Variants in GNAS observed in about 807,000 individuals in gnomAD.
GNAS encodes the protein GNAS complex locus, also known as protein ALEX.
A neutral mutation model predicts 54.5 loss-of-function variants in GNAS; 8 were observed. The observed-to-expected ratio is 0.15, with a 90% CI of 0.09 to 0.26. The LOEUF is 0.26. Ranked by LOEUF, GNAS falls within the 10% of genes least tolerant of loss-of-function variation. The pLI is 1.00. For missense variants in GNAS, 170 were observed against 529.8 expected (o/e 0.32, Z 6.67); for synonymous variants, 204 against 191.4 (o/e 1.07, Z -0.54).
rs995020721 is a variant in GNAS, at chr20:58,841,732, C to T, written c.43+846C>T. ...GCCCCTACGGGCTACCAGGGTTGAA[C>T]GCACAGGCATGGTCACGTCGGGGTA... On this transcript the variant is annotated intron_variant, in intron 1 of 12. Transcript: ENST00000306090. This position sits in a 1 kb window ranked among gnomAD's most constrained non-coding sequence, Gnocchi z 5.0. The T allele has an allele frequency of 1.3e-5, 16 of 1,224,678 alleles. No homozygotes were observed. In the Middle Eastern group the frequency reaches 9.4e-4, roughly 72 times the overall value. The allele number at this position is 1,224,678 out of a possible 1,614,324, so 75.9% of individuals were successfully genotyped here. A position where few individuals can be genotyped will look rare whatever the true frequency, so the allele number is the denominator to read the frequency against.
chr20:58,910,029 G>A lies in GNAS; in HGVS notation c.918G>A (p.Ser306=), dbSNP rs372304607. Reference sequence around the variant, plus strand: ...CTGAGAAAGTCCTTGCTGGGAAATCGAAGATTGAGGACTACTTTCCAGAAT... The same window carrying A: ...CTGAGAAAGTCCTTGCTGGGAAATCAAAGATTGAGGACTACTTTCCAGAAT... ...LLAEKVLAGK[S]KIEDYFPEFA... Residue 306 remains serine (S), a synonymous_variant, in exon 11 of 13, where the codon TCG becomes TCA. Coordinates refer to ENST00000371085, the MANE Select transcript of GNAS (RefSeq NM_000516.7). This position sits in a 1 kb window ranked among gnomAD's most constrained non-coding sequence, Gnocchi z 5.8. 26 of 1,613,508 alleles carry A rather than the reference G, an allele frequency of 1.6e-5. No individual in the cohort carries two copies. The highest frequency in any genetic ancestry group is 2.1e-5 in the Non-Finnish European group (25 of 1,179,444).
chr20:58,854,638 C>T (rs1244781053), intron 1 of GNAS: 1 of 1,532,808 alleles, frequency 6.5e-7, no homozygotes, highest in South Asian at 1.2e-5. Flanking sequence ...TCCGGGGCGG[C>T]CCCTGACGCC....
rs373530017 is a variant in GNAS, at chr20:58,857,343, C to A, written c.43+16457C>A. Among the ~76,000 whole-genome samples the A allele has an allele frequency of 4.6e-5, 7 of 152,194 alleles. No homozygotes were observed. The highest frequency in any genetic ancestry group is 1.7e-4 in the African/African-American group (7 of 41,442). ...GGTCGTTGTTTTAAATTTCAAATGTCTCAACTACACTAAAGCTACCAAACA... is the reference window on the plus strand; with the variant it reads ...GGTCGTTGTTTTAAATTTCAAATGTATCAACTACACTAAAGCTACCAAACA... On this transcript the variant is annotated intron_variant, in intron 1 of 12. Coordinates refer to the GNAS transcript ENST00000306090. This position sits in a 1 kb window ranked among gnomAD's most constrained non-coding sequence, Gnocchi z 4.1.
chr20:58,893,166 C>G (rs1247282041), intron 1 of GNAS, among the ~76,000 whole-genome samples: 1 of 136,832 alleles, frequency 7.3e-6, no homozygotes, highest in African/African-American at 2.8e-5. Flanking sequence ...GATAAAAAGA[C>G]ATTAATTAGT....
chr20:58,889,497 C>T (rs1311848684), upstream of GNAS: 1 of 258,702 alleles, frequency 3.9e-6, no homozygotes, highest in African/African-American at 2.3e-5. Flanking sequence ...AATTCTCTCT[C>T]TTTTCTCTTC....
chr20:58,875,041 C>A (rs922170616), intron 1 of GNAS, among the ~76,000 whole-genome samples: 2 of 151,914 alleles, frequency 1.3e-5, no homozygotes, highest in Non-Finnish European at 2.9e-5. Flanking sequence ...TTGAAAATAT[C>A]TGTGTAATAC....
At chr20:58,886,648 C>G (rs377411223), upstream of GNAS, among the ~76,000 whole-genome samples, 168 of 149,980 alleles carry the variant, frequency 1.1e-3, no homozygotes, top group Middle Eastern at 0.021. Context: ...GCCTCCAAAA[C>G]TAAAAGACTT....
At position 58,891,713 on chromosome 20, in the gene GNAS, C is replaced by G; in HGVS notation, c.-14C>G. The G allele has an allele frequency of 9.2e-7, 1 of 1,090,396 alleles. No individual in the cohort carries two copies. The highest frequency in any genetic ancestry group is 1.1e-6 in the Non-Finnish European group (1 of 873,066). The allele number at this position is 1,090,396 out of a possible 1,614,324, so 67.5% of individuals were successfully genotyped here. On this transcript the variant is annotated 5_prime_UTR_variant, in exon 1 of 13. Coordinates refer to ENST00000371085, the MANE Select transcript of GNAS (RefSeq NM_000516.7). ...GCCGCAGCCCGGCCGCGCCCCGCCG[C>G]CGCCGCCGCCGCCATGGGCTGCCTC...
Position 58,909,947 on chromosome 20 carries a change from G to A in GNAS, c.840-4G>A, listed in dbSNP as rs2146289255. The A allele has an allele frequency of 6.2e-7, 1 of 1,614,062 alleles. No homozygotes were observed. The highest frequency in any genetic ancestry group is 1.1e-5 in the South Asian group (1 of 91,086). ...AAGCATTCACACGGCCTCCCTTCTT[G>A]TAGATGGCTGCGCACCATCTCTGTG... On this transcript the variant is annotated splice_polypyrimidine_tract_variant and splice_region_variant and intron_variant, in intron 10 of 12. Coordinates refer to ENST00000371085, the MANE Select transcript of GNAS (RefSeq NM_000516.7). This position sits in a 1 kb window ranked among gnomAD's most constrained non-coding sequence, Gnocchi z 7.3.
chr20:58,910,126 CT>C lies in GNAS; in HGVS notation c.970+50del. The stretch of plus-strand genomic sequence containing the variant: ...TTGCTGGCTGTTCATTGCGGTGGTT[CT>C]TTTTCAAACGGTCAGGCTGAAAACC... On this transcript the variant is annotated intron_variant, in intron 11 of 12. Coordinates refer to ENST00000371085, the MANE Select transcript of GNAS (RefSeq NM_000516.7). This position sits in a 1 kb window ranked among gnomAD's most constrained non-coding sequence, Gnocchi z 5.8. The C allele has an allele frequency of 6.3e-7, 1 of 1,599,146 alleles. No homozygotes were observed. The highest frequency in any genetic ancestry group is 8.6e-7 in the Non-Finnish European group (1 of 1,166,638).
intron 1 of GNAS, among the ~76,000 whole-genome samples, chr20:58,851,620 A>T (rs1453950814): frequency 1.3e-5 from 2 of 152,232 alleles, no homozygotes; most frequent in Non-Finnish European, 2.9e-5. Flanking sequence ...GCATGTGCAC[A>T]CATCAAGGCC....
chr20:58,842,607 T>G, intron 1 of GNAS: 1 of 398,102 alleles, frequency 2.5e-6, no homozygotes, highest in Non-Finnish European at 4.4e-6. Flanking sequence ...AATGTTAGTC[T>G]CAGAAGTTTG....
chr20:58,892,063 GGGGCGGGGGGCCGTGGCGACGC>G, intron 1 of GNAS, 198 bp downstream of exon 1: 1 of 947,530 alleles, frequency 1.1e-6, no homozygotes, highest in South Asian at 4.9e-5. Context: ...GCTCAAAAAC[GGGGCGGGGGGCCGTGGCGACGC>G]GGGCGCGGGT....
chr20:58,901,478 A>T (rs1199926700), intron 3 of GNAS, among the ~76,000 whole-genome samples: 2 of 152,098 alleles, frequency 1.3e-5, no homozygotes, highest in African/African-American at 4.8e-5. Context: ...CCTCCCTGTC[A>T]TCTGTGTTTC....
rs982235893 is a variant in GNAS at position 58,841,095 on chromosome 20, T to C, written c.43+209T>C. 1.3e-5 allele frequency among the ~76,000 whole-genome samples: 2 copies of C among 152,006 alleles called. No individual in the cohort carries two copies. The highest frequency in any genetic ancestry group is 4.8e-5 in the African/African-American group (2 of 41,426). Reference sequence around the variant, plus strand: ...GGGCGCCCTGGTGGCCAAAGGCTTGTTGGACGGCGGGGCGCACGCCGTGCG... The same window carrying C: ...GGGCGCCCTGGTGGCCAAAGGCTTGCTGGACGGCGGGGCGCACGCCGTGCG... On this transcript the variant is annotated intron_variant, in intron 1 of 12. Coordinates refer to the GNAS transcript ENST00000306090. The surrounding 1 kb of genome is among the most constrained non-coding windows in gnomAD (Gnocchi z 5.0).
At chr20:58,842,293 T>C (rs1302373392) in intron 1 of GNAS, 1 of 397,738 alleles carries the variant, frequency 2.5e-6, no homozygotes, top group Non-Finnish European at 4.4e-6. Context: ...TTTTTCCTGG[T>C]GTGCGTGTCT....
intron 3 of GNAS, chr20:58,899,574 ATTCATGATGGCATCTT>A (rs2090399016): frequency 1.1e-5 from 6 of 544,468 alleles, no homozygotes; most frequent in South Asian, 9.1e-5. Flanking sequence ...GGATAAGGAA[ATTCATGATGGCATCTT>A]TTATTTTTCC....
chr20:58,847,591 G>C (rs1025307301), intron 1 of GNAS, among the ~76,000 whole-genome samples: 23 of 152,210 alleles, frequency 1.5e-4, no homozygotes, highest in African/African-American at 5.5e-4. Context: ...TTCCTCAATT[G>C]AAAGAAACCC....
chr20:58,863,915 T>G lies in GNAS; in HGVS notation c.43+23029T>G, dbSNP rs2086902738. On this transcript the variant is annotated intron_variant, in intron 1 of 12. Transcript: ENST00000306090. This position sits in a 1 kb window ranked among gnomAD's most constrained non-coding sequence, Gnocchi z 4.1. ...TTGAGGGGGAAAAAATGAATAATGC[T>G]TATCATGATCCACAGAAACTAAAGT... 6.6e-6 allele frequency: 1 copy of G among 152,606 alleles called. No individual in the cohort carries two copies. The allele number at this position is 152,606 out of a possible 1,614,324, so 9.5% of individuals were successfully genotyped here. A position where few individuals can be genotyped will look rare whatever the true frequency, so the allele number is the denominator to read the frequency against.
Sources: gnomAD v4.1 joint callset for allele counts (sites outside exome capture counted in the v4.1 genomes callset) on GRCh38, gnomAD v4.1.1 for gene constraint, Gnocchi (gnomAD v3.1) non-coding constraint, MANE v1.5 for transcripts, NCBI Gene and HGNC (gene_info 2026-07-23, HGNC 2026-07-21) for gene names.